Variants in HCFC1 observed in about 807,000 individuals in gnomAD.
HCFC1 encodes the protein host cell factor C1.
In HCFC1, 7 loss-of-function variants were observed where a neutral mutation model predicts 105.5. The ratio of observed to expected loss-of-function variants is 0.07; its 90% CI spans 0.04 to 0.12. The LOEUF (loss-of-function observed/expected upper bound fraction) is 0.12. Among genes scored for constraint, HCFC1 ranks in the 10% least tolerant of loss-of-function variants. The probability of loss-of-function intolerance (pLI) is 1.00; values close to 1 mark genes in which losing one functional copy is unlikely to be tolerated. For synonymous variants in HCFC1, 918 were observed against 828.1 expected, an observed-to-expected ratio of 1.11 and a Z score of -1.86; for missense variants, 1,065 against 1,823.6, an observed-to-expected ratio of 0.58 and a Z score of 7.58.
rs782612049 is a variant in HCFC1, at chrX:153,959,184, G to A, written c.1605+147C>T. Reference sequence around the variant, plus strand: ...TAATTCCCACCATGACCTCGCAGGAGCGTTTCCCCATCTGCACGTCCCAGG... The same window carrying A: ...TAATTCCCACCATGACCTCGCAGGAACGTTTCCCCATCTGCACGTCCCAGG... On this transcript the variant is annotated intron_variant, in intron 9 of 25. Coordinates refer to ENST00000310441, the MANE Select transcript of HCFC1 (RefSeq NM_005334.3). 7 of 601,538 alleles carry A rather than the reference G, an allele frequency of 1.2e-5. No homozygotes were observed. In the South Asian group the frequency reaches 1.9e-4, roughly 16 times the overall value. 49.6% of individuals were successfully genotyped at this position (601,538 alleles called of 1,213,427 possible).
intron 24 of HCFC1, 103 bp downstream of exon 24, chrX:153,950,140 A>C: frequency 1.2e-6 from 1 of 868,248 alleles, no homozygotes; most frequent in South Asian, 2.6e-5. Context: ...AAGCAGGGAG[A>C]CGCCGCACAT....
rs980761697 is a variant in HCFC1, at chrX:153,962,167, G to C, written c.797+55C>G. The C allele has an allele frequency of 3.1e-6, 3 of 955,291 alleles. No individual in the cohort carries two copies. The African/African-American group carries it at 5.7e-5, about 18-fold the overall frequency. 78.7% of individuals were successfully genotyped at this position (955,291 alleles called of 1,213,427 possible). On this transcript the variant is annotated intron_variant, in intron 5 of 25. Coordinates refer to ENST00000310441, the MANE Select transcript of HCFC1 (RefSeq NM_005334.3). ...GGACAAAACTGAGTGAGAGCCCTTC[G>C]GGGGAGGGGCCACGCCAGTCTAGAG...
chrX:153,968,435 C>G (rs782109143), intron 1 of HCFC1, among the ~76,000 whole-genome samples: 1 of 111,928 alleles, frequency 8.9e-6, no homozygotes, highest in Non-Finnish European at 1.9e-5. Flanking sequence ...ACAAAGGTGA[C>G]GAGGCCGGGC....
intron 5 of HCFC1, among the ~76,000 whole-genome samples, 163 bp downstream of exon 5, chrX:153,962,059 C>T (rs1297046259): frequency 3.6e-5 from 4 of 111,426 alleles, no homozygotes; most frequent in Admixed American, 1.9e-4. Flanking sequence ...TTTCCTTGGT[C>T]CCCCAGGGTC....
intron 25 of HCFC1, 53 bp from the exon 26 acceptor site, chrX:153,949,439 G>C (rs1361880815): frequency 9.6e-5 from 109 of 1,140,507 alleles, no homozygotes; most frequent in Non-Finnish European, 1.2e-4. Flanking sequence ...TGCACCACTG[G>C]AGGCCCTGCT....
chrX:153,971,311 G>GCCGAGGTCGTCGCAGCC lies in HCFC1; in HGVS notation c.-472_-471insGGCTGCGACGACCTCGG. On this transcript the variant is annotated 5_prime_UTR_variant, in exon 1 of 26. Transcript: ENST00000310441. ...GGGCGGGTGGAAAGGAGCCACAAGC[G>GCCGAGGTCGTCGCAGCC]CCGCGGTCGTCGCAGCCCCGCCGGC... 3.3e-6 allele frequency: 1 copy of GCCGAGGTCGTCGCAGCC among 299,149 alleles called. No homozygotes were observed. Among genetic ancestry groups the GCCGAGGTCGTCGCAGCC allele is most frequent in the South Asian group, 1.9e-4 (1 of 5,400 alleles). 24.7% of individuals were successfully genotyped at this position (299,149 alleles called of 1,213,427 possible).
chrX:153,955,471 G>T lies in HCFC1; in HGVS notation c.2928C>A (p.Asp976Glu), dbSNP rs368973478. Residue 976 changes from aspartate to glutamate, a missense_variant, in exon 17 of 26, where the codon GAC (aspartate) becomes GAA (glutamate). By Grantham distance (45) the Asp-to-Glu change is conservative. Coordinates refer to ENST00000310441, the MANE Select transcript of HCFC1 (RefSeq NM_005334.3). ...PSGVEAQPVH[D>E]LPVSILASPT... Reference sequence around the variant, plus strand: ...GGGAGGCCAGAATGGACACAGGGAGGTCATGCACAGGCTGGGCCTCCACCC... The same window carrying T: ...GGGAGGCCAGAATGGACACAGGGAGTTCATGCACAGGCTGGGCCTCCACCC... The T allele has an allele frequency of 5.8e-6, 7 of 1,197,535 alleles. No individual in the cohort carries two copies. Among genetic ancestry groups the T allele is most frequent in the Non-Finnish European group, 6.8e-6 (6 of 888,021 alleles).
rs781810012 is a variant in HCFC1 at position 153,970,632 on chromosome X, C to A, written c.193+16G>T. On this transcript the variant is annotated intron_variant, in intron 1 of 25. Transcript: ENST00000310441. ...GGGAGGGAAAGAGCCGAAGACCCAG[C>A]GGGCTTTGCACTCACCCGTGTTGTA... 8.5e-6 allele frequency: 10 copies of A among 1,170,879 alleles called. No individual in the cohort carries two copies. The highest frequency in any genetic ancestry group is 1.1e-5 in the Non-Finnish European group (10 of 870,645).
At chrX:153,952,248 G>T in intron 19 of HCFC1, 90 bp from the exon 20 acceptor site, 1 of 1,075,229 alleles carries the variant, frequency 9.3e-7, no homozygotes, top group Non-Finnish European at 1.2e-6. Flanking sequence ...CTGTCCTAGA[G>T]ACCCCGTCCA....
chrX:153,957,348 G>A lies in HCFC1; in HGVS notation c.2319C>T (p.Pro773=). Residue 773 remains proline, a synonymous_variant, in exon 13 of 26, where the codon CCC becomes CCT. Transcript: ENST00000310441. The part of the protein sequence containing the change: ...PGTTTIIKTI[P]MSAIITQAGA... ...CCGCCTGGGTGATGATGGCCGACAT[G>A]GGGATGGTTTTGATGATGGTGGTCG... The A allele has an allele frequency of 1.7e-6, 2 of 1,203,915 alleles. No homozygotes were observed. The highest frequency in any genetic ancestry group is 2.2e-6 in the Non-Finnish European group (2 of 889,572).
Position 153,956,380 on chromosome X carries a change from G to A in HCFC1, c.2667C>T (p.Thr889=), listed in dbSNP as rs782558280. 35 of 1,210,532 alleles carry A rather than the reference G, an allele frequency of 2.9e-5. No individual in the cohort carries two copies. In the Admixed American group the frequency reaches 6.5e-4, roughly 23 times the overall value. ...CCGCCCCGGCAAGGCTGGTGGAGAC[G>A]GTGCCTGTCACTGTGCCTAGGGTCG... ...GVTTLGTVTG[T]VSTSLAGAGG... is the part of the protein sequence containing the mutation. Residue 889 remains threonine, a synonymous_variant, in exon 16 of 26, where the codon ACC becomes ACT. Transcript: ENST00000310441.
intron 1 of HCFC1, among the ~76,000 whole-genome samples, chrX:153,969,533 G>C (rs1443970229): frequency 6.2e-5 from 7 of 112,878 alleles, no homozygotes; most frequent in Non-Finnish European, 1.1e-4. Flanking sequence ...GGTCCTGTGG[G>C]CCAACGGGCA....
chrX:153,948,217 A>T lies in HCFC1; in HGVS notation c.*1130T>A, dbSNP rs1214375724. On this transcript the variant is annotated 3_prime_UTR_variant, in exon 26 of 26. Coordinates refer to ENST00000310441, the MANE Select transcript of HCFC1 (RefSeq NM_005334.3). ...TGGGGAGAGCTGGAAATCCAGGACA[A>T]GGAGGCCCCAGCCCTCCCTCAAGCT... 1.8e-5 allele frequency: 2 copies of T among 112,275 alleles called. No homozygotes were observed. Among genetic ancestry groups the T allele is most frequent in the African/African-American group, 6.5e-5 (2 of 30,898 alleles). 9.3% of individuals were successfully genotyped at this position (112,275 alleles called of 1,213,427 possible).
Position 153,957,435 on chromosome X carries a change from C to T in HCFC1, c.2232G>A (p.Ala744=), listed in dbSNP as rs1557115422. The T allele has an allele frequency of 4.1e-6, 5 of 1,208,383 alleles. No individual in the cohort carries two copies. Among genetic ancestry groups the T allele is most frequent in the Non-Finnish European group, 5.6e-6 (5 of 893,949 alleles). ...TGCCCAGGATGGTGGGCTTGGTCCC[C>T]GCCCCACTGGCCTGCGTGGTAGTGA... is the stretch of plus-strand genomic sequence containing the variant. The part of the protein sequence containing the change: ...TIITTTQASG[A]GTKPTILGIS... Residue 744 remains alanine (A), a synonymous_variant, in exon 13 of 26, where the codon GCG becomes GCA. Coordinates refer to ENST00000310441, the MANE Select transcript of HCFC1 (RefSeq NM_005334.3).
In HCFC1 at chrX:153,954,347, G is replaced by T. The variant is rs111385795; in HGVS notation, c.4052C>A (p.Pro1351His). Reference protein sequence around the residue: ...GTGQPEGGQQPPAGRPCETHQ... With the variant: ...GTGQPEGGQQHPAGRPCETHQ... The stretch of plus-strand genomic sequence containing the variant: ...TGTCTCACAGGGGCGACCAGCAGGG[G>T]GCTGCTGCCCACCCTCGGGCTGGCC... The change falls in exon 17 of 26, where the codon CCC (proline) becomes CAC (histidine). Residue 1351 changes from proline to histidine, a missense_variant. Physicochemically the swap from Pro to His is moderately conservative, Grantham distance 77. Transcript: ENST00000310441. 17 of 1,203,544 alleles carry T rather than the reference G, an allele frequency of 1.4e-5. No homozygotes were observed. The South Asian group carries it at 3.0e-4, about 21-fold the overall frequency.
rs1557114403 is a variant in HCFC1 at position 153,955,156 on chromosome X, C to T, written c.3243G>A (p.Glu1081=). 1 of 1,210,986 alleles carries T rather than the reference C, an allele frequency of 8.3e-7. No individual in the cohort carries two copies. The highest frequency in any genetic ancestry group is 3.0e-5 in the East Asian group (1 of 33,792). Residue 1081 remains glutamate, a synonymous_variant, in exon 17 of 26, where the codon GAG becomes GAA. Coordinates refer to ENST00000310441, the MANE Select transcript of HCFC1 (RefSeq NM_005334.3). ...VVRVCSNPPC[E]THETGTTNTA... ...TGTTGGTGGTGCCCGTCTCGTGGGT[C>T]TCGCAGGGCGGGTTCGAACAGACTC... is the stretch of plus-strand genomic sequence containing the variant.
intron 1 of HCFC1, among the ~76,000 whole-genome samples, chrX:153,966,264 A>G (rs2065473173): frequency 8.9e-6 from 1 of 111,776 alleles, no homozygotes; most frequent in Admixed American, 9.4e-5. Context: ...CAACTGTACC[A>G]CCACCGCTCC....
chrX:153,953,487 G>A (rs2065335445), intron 18 of HCFC1, 120 bp downstream of exon 18: 6 of 744,763 alleles, frequency 8.1e-6, no homozygotes, highest in East Asian at 6.6e-5. Flanking sequence ...TTTATGGTCC[G>A]GAAAAGGGAC....
In HCFC1 at chrX:153,963,289, G is replaced by A; in HGVS notation, c.648C>T (p.Ser216=). The stretch of plus-strand genomic sequence containing the variant: ...TCATCCCGCCGTAGATCACCAGCTT[G>A]GACTTCTTATTGTCTTTTTCGGTGT... ...VVYTEKDNKK[S]KLVIYGGMSG... Residue 216 remains serine (S), a synonymous_variant, in exon 4 of 26, where the codon TCC becomes TCT. Coordinates refer to ENST00000310441, the MANE Select transcript of HCFC1 (RefSeq NM_005334.3). The A allele has an allele frequency of 1.7e-6, 2 of 1,211,300 alleles. No homozygotes were observed. The highest frequency in any genetic ancestry group is 3.5e-5 in the South Asian group (2 of 56,981).
Sources: gnomAD v4.1 joint callset for allele counts (sites outside exome capture counted in the v4.1 genomes callset) on GRCh38, gnomAD v4.1.1 for gene constraint, MANE v1.5 for transcripts, NCBI Gene and HGNC (gene_info 2026-07-23, HGNC 2026-07-21) for gene names.